Variants in UBAP1L observed in about 807,000 individuals in gnomAD.
UBAP1L encodes the protein ubiquitin associated protein 1 like, also known as ubiquitin-associated protein 1-like.
A neutral mutation model predicts 32.1 loss-of-function variants in UBAP1L; 32 were observed. The ratio of observed to expected loss-of-function variants is 1.00; its 90% CI spans 0.75 to 1.34. UBAP1L has a LOEUF of 1.34. UBAP1L is among the 40% of genes most tolerant of loss of function. The pLI is 0.00. For synonymous variants in UBAP1L, 243 were observed against 250.2 expected, an observed-to-expected ratio of 0.97 and a Z score of 0.27; for missense variants, 516 against 540.5, an observed-to-expected ratio of 0.95 and a Z score of 0.45.
chr15:65,096,326 A>AT (rs1053426772), intron 4 of UBAP1L: 1 of 152,108 alleles, frequency 6.6e-6, no homozygotes, highest in Non-Finnish European at 1.5e-5. Context: ...GAGCATTGGA[A>AT]TTTTTCCCTA....
At chr15:65,098,516 C>T (rs1364413628) in intron 4 of UBAP1L, 1 of 152,152 alleles carries the variant, frequency 6.6e-6, no homozygotes, top group East Asian at 1.9e-4. Context: ...CCTGTGTAAG[C>T]CTGGAGGGGT....
intron 2 of UBAP1L, chr15:65,105,657 T>G: frequency 1.5e-6 from 1 of 676,098 alleles, no homozygotes; most frequent in Non-Finnish European, 2.8e-6. Context: ...TATGCATATA[T>G]GAAAAGCCAT....
intron 4 of UBAP1L, chr15:65,097,557 C>T (rs1034806387): frequency 1.3e-5 from 2 of 152,248 alleles, no homozygotes; most frequent in African/African-American, 4.8e-5. Flanking sequence ...ACTTCCCTGG[C>T]CTCAGTTTCC....
chr15:65,107,925 C>G (rs1299025774), intron 1 of UBAP1L, among the ~76,000 whole-genome samples: 2 of 152,018 alleles, frequency 1.3e-5, no homozygotes, highest in Non-Finnish European at 2.9e-5. Flanking sequence ...GATAGCAGTT[C>G]TCCTCCAATT....
intron 1 of UBAP1L, among the ~76,000 whole-genome samples, chr15:65,107,386 A>G (rs2087326166): frequency 6.6e-6 from 1 of 151,790 alleles, no homozygotes; most frequent in South Asian, 2.1e-4. Flanking sequence ...ACATCTCTCT[A>G]TATAAATAGT....
At chr15:65,111,857 C>G (rs113409429) in intron 1 of UBAP1L, among the ~76,000 whole-genome samples, 2,734 of 151,584 alleles carry the variant, frequency 0.018, 35 homozygotes, top group Non-Finnish European at 0.03. Flanking sequence ...GTGGCGTGAT[C>G]TGGGCTCACT....
intron 3 of UBAP1L, chr15:65,100,704 G>A (rs2087231284): frequency 6.6e-6 from 1 of 152,258 alleles, no homozygotes. Flanking sequence ...GGGGTGGAGT[G>A]TATATGTAAC....
At position 65,094,103 on chromosome 15, in the gene UBAP1L, C is replaced by G. The variant is rs983754074; in HGVS notation, c.1011+372G>C. 6.6e-6 allele frequency among the ~76,000 whole-genome samples: 1 copy of G among 152,128 alleles called. No homozygotes were observed. Among genetic ancestry groups the G allele is most frequent in the African/African-American group, 2.4e-5 (1 of 41,412 alleles). ...CTGCATGCACTTGGGGTAGGCGGCA[C>G]GCTCCCCAAGTAGAAAGGTCATGCA... On this transcript the variant is annotated intron_variant, in intron 5 of 5. Transcript: ENST00000559089. This position sits in a 1 kb window ranked among gnomAD's most constrained non-coding sequence, Gnocchi z 4.2.
intron 4 of UBAP1L, chr15:65,098,072 G>C (rs1296392010): frequency 6.6e-6 from 1 of 152,178 alleles, no homozygotes; most frequent in African/African-American, 2.4e-5. Flanking sequence ...TGGGGACATG[G>C]GGGTGTAGGC....
At position 65,102,193 on chromosome 15, in the gene UBAP1L, G is replaced by C; in HGVS notation, c.612C>G (p.Pro204=). Residue 204 remains proline, a synonymous_variant, in exon 3 of 6, where the codon CCC becomes CCG. Coordinates refer to ENST00000559089, the MANE Select transcript of UBAP1L (RefSeq NM_001163692.2). The surrounding 1 kb of genome is among the most constrained non-coding windows in gnomAD (Gnocchi z 5.0). ...GCGACGCGGGGGCGGCGGGGTGCTG[G>C]GGCGCGGGCCCCGGGGGTGATGCAG... is the stretch of plus-strand genomic sequence containing the variant. ...PRSASPPGPA[P]QHPAAPASPP... The C allele has an allele frequency of 8.3e-7, 1 of 1,199,372 alleles. No individual in the cohort carries two copies. Among genetic ancestry groups the C allele is most frequent in the Non-Finnish European group, 1.0e-6 (1 of 967,086 alleles). 74.3% of individuals were successfully genotyped at this position (1,199,372 alleles called of 1,614,324 possible).
chr15:65,113,144 G>A (rs1377095150), intron 1 of UBAP1L, among the ~76,000 whole-genome samples: 1 of 152,192 alleles, frequency 6.6e-6, no homozygotes, highest in Non-Finnish European at 1.5e-5. Context: ...GCAGAGGTGG[G>A]AGGATTGCTG....
chr15:65,106,003 G>A, intron 2 of UBAP1L, 93 bp downstream of exon 2: 1 of 1,513,710 alleles, frequency 6.6e-7, no homozygotes, highest in Non-Finnish European at 8.9e-7. Context: ...TGTTGGCCAG[G>A]GCTAGCTGTC....
At chr15:65,105,520 G>A in intron 2 of UBAP1L, 1 of 489,836 alleles carries the variant, frequency 2.0e-6, no homozygotes, top group East Asian at 4.3e-5. Context: ...AGTGGCCTGA[G>A]GTAATCTGTG....
intron 2 of UBAP1L, chr15:65,105,847 G>A (rs1376140835): frequency 1.4e-6 from 1 of 694,294 alleles, no homozygotes; most frequent in Non-Finnish European, 2.6e-6. Context: ...CTGAAATGCA[G>A]TGGCACAATC....
chr15:65,108,305 T>C (rs1034878424), intron 1 of UBAP1L, among the ~76,000 whole-genome samples: 8 of 151,878 alleles, frequency 5.3e-5, no homozygotes, highest in Admixed American at 2.0e-4. Flanking sequence ...AAAAACAATA[T>C]TGACCTCTAC....
In UBAP1L at chr15:65,093,131, T is replaced by C. The variant is rs1311712666; in HGVS notation, c.1112A>G (p.Gln371Arg). The change falls in exon 6 of 6, where the codon CAA becomes CGA. Residue 371 changes from glutamine (Q) to arginine (R), a missense_variant. Physicochemically the swap from Gln to Arg is conservative, Grantham distance 43. Coordinates refer to ENST00000559089, the MANE Select transcript of UBAP1L (RefSeq NM_001163692.2). ...ACAGGCCACCAGCTCCTCCAGGGCT[T>C]GCTCTCGGCGGTTGCCATGGACCAG... ...VLLVHGNRREQALEELVACAQ is the reference protein window; with the variant it reads ...VLLVHGNRRERALEELVACAQ 19 of 1,550,180 alleles carry C rather than the reference T, an allele frequency of 1.2e-5. No individual in the cohort carries two copies. The highest frequency in any genetic ancestry group is 1.7e-5 in the Non-Finnish European group (19 of 1,146,820).
At chr15:65,095,524 G>A (rs2087163170) in intron 4 of UBAP1L, 1 of 152,276 alleles carries the variant, frequency 6.6e-6, no homozygotes, top group African/African-American at 2.4e-5. Flanking sequence ...TGTGTGCTGT[G>A]TTTATAAAAT....
chr15:65,113,579 C>T (rs1175777953), intron 1 of UBAP1L, among the ~76,000 whole-genome samples: 1 of 152,136 alleles, frequency 6.6e-6, no homozygotes, highest in Non-Finnish European at 1.5e-5. Flanking sequence ...AAAACCCCCT[C>T]TTTACTAAAA....
chr15:65,106,464 T>A, intron 1 of UBAP1L, 76 bp from the exon 2 acceptor site: 1 of 412,908 alleles, frequency 2.4e-6, no homozygotes, highest in Non-Finnish European at 4.2e-6. Context: ...ATTTCAGTCA[T>A]GCTCTAGACC....
Sources: allele counts gnomAD v4.1 joint callset (sites outside exome capture counted in the v4.1 genomes callset), GRCh38; gene constraint gnomAD v4.1.1; non-coding constraint Gnocchi (gnomAD v3.1); transcripts MANE v1.5; gene names NCBI Gene and HGNC (gene_info 2026-07-23, HGNC 2026-07-21).